FBXL4: variants seen among roughly 807,000 people sequenced by gnomAD.
FBXL4 encodes F-box/LRR-repeat protein 4.
In FBXL4, 40 loss-of-function variants were observed where a neutral mutation model predicts 58.9. The ratio of observed to expected loss-of-function variants is 0.68; its 90% CI spans 0.53 to 0.88. The LOEUF (loss-of-function observed/expected upper bound fraction) is 0.88. Among genes scored for constraint, FBXL4 ranks in the 40% least tolerant of loss-of-function variants. The pLI is 0.00. For missense variants in FBXL4, 676 were observed against 734.4 expected (o/e 0.92, Z 0.92); for synonymous variants, 263 against 265.5 (o/e 0.99, Z 0.09).
intron 5 of FBXL4, among the ~76,000 whole-genome samples, chr6:98,911,992 G>A (rs923663955): frequency 1.3e-5 from 2 of 152,184 alleles, no homozygotes; most frequent in African/African-American, 2.4e-5. Context: ...GGAGCTGATG[G>A]AGCTGAAAGC....
At chr6:98,928,859 C>T (rs1772892440) in intron 2 of FBXL4, among the ~76,000 whole-genome samples, 1 of 152,306 alleles carries the variant, frequency 6.6e-6, no homozygotes, top group South Asian at 2.1e-4. Flanking sequence ...AACCACTCTT[C>T]GTATTTTACG....
intron 7 of FBXL4, chr6:98,898,508 G>A: frequency 1.1e-6 from 1 of 922,716 alleles, no homozygotes; most frequent in Non-Finnish European, 1.3e-6. Context: ...AGGAGGCTGA[G>A]GCAGGAGAAT....
intron 4 of FBXL4, among the ~76,000 whole-genome samples, chr6:98,918,667 T>C (rs923335405): frequency 6.6e-6 from 1 of 152,100 alleles, no homozygotes; most frequent in Non-Finnish European, 1.5e-5. Flanking sequence ...CATTTAAAAA[T>C]ACTTCAATTA....
intron 2 of FBXL4, among the ~76,000 whole-genome samples, chr6:98,929,912 C>G (rs1304734342): frequency 1.3e-5 from 2 of 152,168 alleles, no homozygotes; most frequent in Non-Finnish European, 2.9e-5. Context: ...GAGGCATGAA[C>G]CATGCATAGA....
rs1260517930 is a variant in FBXL4 at position 98,922,695 on chromosome 6, T to C, written c.512+3782A>G. The stretch of plus-strand genomic sequence containing the variant: ...TTGTCATGATCTTGTCCTTTCGACT[T>C]TGTGGGCCAAAAAACATGATTTTGT... On this transcript the variant is annotated intron_variant, in intron 4 of 9. Coordinates refer to ENST00000369244, the MANE Select transcript of FBXL4 (RefSeq NM_001278716.2). Among the ~76,000 whole-genome samples the C allele has an allele frequency of 2.0e-5, 3 of 152,168 alleles. No homozygotes were observed. In the East Asian group the frequency reaches 5.8e-4, roughly 29 times the overall value.
At chr6:98,880,430 G>A in intron 8 of FBXL4, 123 bp downstream of exon 8, 2 of 727,478 alleles carry the variant, frequency 2.7e-6, no homozygotes, top group Non-Finnish European at 4.7e-6. Flanking sequence ...GGACAAAGAA[G>A]AGAACCATAA....
intron 2 of FBXL4, among the ~76,000 whole-genome samples, chr6:98,929,485 C>T (rs1255232572): frequency 6.6e-6 from 1 of 150,918 alleles, no homozygotes; most frequent in Non-Finnish European, 1.5e-5. Context: ...GCAGGAGAAT[C>T]GCTTGAATCC....
intron 5 of FBXL4, among the ~76,000 whole-genome samples, chr6:98,911,620 C>T (rs1352136557): frequency 6.6e-6 from 1 of 152,204 alleles, no homozygotes; most frequent in Non-Finnish European, 1.5e-5. Context: ...AGCTGAGGGT[C>T]CTGTCTGTTA....
At chr6:98,941,538 T>G (rs1033528211) in intron 1 of FBXL4, among the ~76,000 whole-genome samples, 4 of 152,176 alleles carry the variant, frequency 2.6e-5, no homozygotes, top group African/African-American at 9.7e-5. Flanking sequence ...CTAGTATTGA[T>G]TTGGTTATGC....
In FBXL4 at chr6:98,917,373, C is replaced by A. The variant is rs1394080480; in HGVS notation, c.858+1G>T. 6.3e-7 allele frequency: 1 copy of A among 1,585,588 alleles called. No individual in the cohort carries two copies. Among genetic ancestry groups the A allele is most frequent in the Non-Finnish European group, 8.6e-7 (1 of 1,165,594 alleles). The stretch of plus-strand genomic sequence containing the variant: ...ACTGCTGCTAAATATTTTTGGCTTA[C>A]CTCATAAGGTAGTTTATCAAAATAC... On this transcript the variant is annotated splice_donor_variant, in intron 5 of 9. Coordinates refer to ENST00000369244, the MANE Select transcript of FBXL4 (RefSeq NM_001278716.2). LOFTEE classifies it high-confidence loss of function.
intron 8 of FBXL4, among the ~76,000 whole-genome samples, chr6:98,880,125 A>T (rs1770798938): frequency 6.6e-6 from 1 of 152,174 alleles, no homozygotes; most frequent in African/African-American, 2.4e-5. Flanking sequence ...AAAAACAAAC[A>T]GATAAAATAA....
chr6:98,916,312 A>T (rs1417673676), intron 5 of FBXL4, among the ~76,000 whole-genome samples: 1 of 152,208 alleles, frequency 6.6e-6, no homozygotes, highest in Non-Finnish European at 1.5e-5. Flanking sequence ...CCATCCCATT[A>T]CTGGGTATAT....
intron 1 of FBXL4, among the ~76,000 whole-genome samples, chr6:98,941,177 TTGACAGATGCATGTACAG>T (rs1482677250): frequency 6.6e-6 from 1 of 152,116 alleles, no homozygotes; most frequent in Non-Finnish European, 1.5e-5. Context: ...TAAGATGTCC[TTGACAGATGCATGTACAG>T]TGTTACATCC....
In FBXL4 at chr6:98,905,394, GGA is replaced by G. The variant is rs1562230527; in HGVS notation, c.1103+30_1103+31del. 6.2e-6 allele frequency: 10 copies of G among 1,604,666 alleles called. No individual in the cohort carries two copies. The African/African-American group carries it at 1.1e-4, about 17-fold the overall frequency. On this transcript the variant is annotated intron_variant, in intron 6 of 9. Transcript: ENST00000369244. ...AATAAGTATAACCTGCTGCTGGGGG[GGA>G]AAAAAACTTCATCAAGGCTTTGTAC...
intron 5 of FBXL4, among the ~76,000 whole-genome samples, chr6:98,909,026 C>T (rs527884930): frequency 6.6e-6 from 1 of 152,152 alleles, no homozygotes; most frequent in South Asian, 2.1e-4. Flanking sequence ...TTAAAAAATT[C>T]TGTTTGCATT....
intron 7 of FBXL4, among the ~76,000 whole-genome samples, chr6:98,896,154 T>A (rs966351599): frequency 2.0e-5 from 3 of 152,180 alleles, no homozygotes; most frequent in Non-Finnish European, 4.4e-5. Flanking sequence ...GAGTCTAGAA[T>A]GAGAATATAC....
At chr6:98,886,622 T>C (rs1187047679) in intron 7 of FBXL4, among the ~76,000 whole-genome samples, 1 of 152,182 alleles carries the variant, frequency 6.6e-6, no homozygotes, top group Non-Finnish European at 1.5e-5. Flanking sequence ...TTCCTCCTTG[T>C]CTAAGGGTCT....
Position 98,926,476 on chromosome 6 carries a change from C to T in FBXL4, c.512+1G>A. The T allele has an allele frequency of 6.3e-7, 1 of 1,599,718 alleles. No individual in the cohort carries two copies. Among genetic ancestry groups the T allele is most frequent in the Non-Finnish European group, 8.5e-7 (1 of 1,171,320 alleles). On this transcript the variant is annotated splice_donor_variant, in intron 4 of 9. Coordinates refer to ENST00000369244, the MANE Select transcript of FBXL4 (RefSeq NM_001278716.2). LOFTEE classifies it high-confidence loss of function. ...TTAGGTCATTAAAAAATTAGTCTTA[C>T]CTTACTTCAGCTGGTGGATTTGGGG...
chr6:98,901,387 C>T (rs914176131), intron 6 of FBXL4, among the ~76,000 whole-genome samples: 8 of 151,704 alleles, frequency 5.3e-5, no homozygotes, highest in Non-Finnish European at 7.4e-5. Context: ...AAAATGATGG[C>T]GAGATGAGTA....
Sources: gnomAD v4.1 joint callset for allele counts (sites outside exome capture counted in the v4.1 genomes callset) on GRCh38, gnomAD v4.1.1 for gene constraint, MANE v1.5 for transcripts, NCBI Gene and HGNC (gene_info 2026-07-23, HGNC 2026-07-21) for gene names.